The following GRM7 variants were observed in gnomAD, a reference collection of about 807,000 sequenced individuals.
GRM7 encodes the protein glutamate metabotropic receptor 7, also known as metabotropic glutamate receptor 7.
GRM7 carries 35 observed loss-of-function variants against 84.5 expected under a neutral mutation model. That is an observed-to-expected ratio of 0.41 (90% confidence interval 0.32 to 0.55). The LOEUF (loss-of-function observed/expected upper bound fraction) is 0.55. Among genes scored for constraint, GRM7 ranks in the 20% least tolerant of loss-of-function variants. The pLI is 0.19. For synonymous variants in GRM7, 487 were observed against 455.1 expected (o/e 1.07, Z -0.89); for missense variants, 1,003 against 1,194.6 (o/e 0.84, Z 2.36).
chr3:7,384,740 G>A (rs981877090), intron 4 of GRM7, among the ~76,000 whole-genome samples: 1 of 152,058 alleles, frequency 6.6e-6, no homozygotes, highest in Non-Finnish European at 1.5e-5. Flanking sequence ...CTATCAAGTC[G>A]AATACAGCAG....
chr3:6,942,518 A>G (rs1032150705), intron 1 of GRM7, among the ~76,000 whole-genome samples: 1 of 152,130 alleles, frequency 6.6e-6, no homozygotes, highest in African/African-American at 2.4e-5. Flanking sequence ...ATTACTCAGC[A>G]TAATAATTTT....
intron 6 of GRM7, among the ~76,000 whole-genome samples, chr3:7,460,913 A>C (rs138765718): frequency 6.6e-6 from 1 of 152,324 alleles, no homozygotes; most frequent in Admixed American, 6.5e-5. Flanking sequence ...CCAAAGTCTA[A>C]TTCTGCCAGA....
intron 1 of GRM7, among the ~76,000 whole-genome samples, chr3:7,026,222 G>A (rs1695977077): frequency 6.6e-6 from 1 of 152,190 alleles, no homozygotes; most frequent in Admixed American, 6.5e-5. Context: ...ACCTTAGGCA[G>A]CAGCTGAGGT....
At chr3:6,908,328 A>T (rs370157213) in intron 1 of GRM7, among the ~76,000 whole-genome samples, 29 of 152,314 alleles carry the variant, frequency 1.9e-4, no homozygotes, top group African/African-American at 6.7e-4. Context: ...TGATGAAAAG[A>T]ATACTGTGTA....
At chr3:7,489,251 AT>A (rs879259324) in intron 7 of GRM7, among the ~76,000 whole-genome samples, 3 of 152,188 alleles carry the variant, frequency 2.0e-5, no homozygotes, top group Non-Finnish European at 4.4e-5. Flanking sequence ...CATTTTAAAA[AT>A]TTTTTTATGA....
chr3:7,720,883 A>C (rs1047560280), intron 9 of GRM7, among the ~76,000 whole-genome samples: 1 of 152,200 alleles, frequency 6.6e-6, no homozygotes, highest in Non-Finnish European at 1.5e-5. Flanking sequence ...ACCATGATTC[A>C]GAAAAGGCGG....
chr3:7,465,864 A>G (rs952482741), intron 7 of GRM7, among the ~76,000 whole-genome samples: 3 of 152,018 alleles, frequency 2.0e-5, no homozygotes, highest in South Asian at 2.1e-4. Context: ...TTCCCTGTGC[A>G]ATTTCTGGAA....
chr3:6,887,390 C>T (rs1438343200), intron 1 of GRM7, among the ~76,000 whole-genome samples: 3 of 151,960 alleles, frequency 2.0e-5, no homozygotes, highest in Admixed American at 6.6e-5. Context: ...CTTCCCCCAC[C>T]CCACAACAGT....
intron 4 of GRM7, among the ~76,000 whole-genome samples, chr3:7,394,082 A>G (rs989097872): frequency 4.6e-5 from 7 of 152,160 alleles, no homozygotes; most frequent in African/African-American, 1.7e-4. Flanking sequence ...GATAAACCTC[A>G]GCTTAGAAAA....
intron 2 of GRM7, among the ~76,000 whole-genome samples, chr3:7,216,143 A>T (rs1696601931): frequency 6.6e-6 from 1 of 152,220 alleles, no homozygotes; most frequent in South Asian, 2.1e-4. Flanking sequence ...TGCCTCAGAA[A>T]GTTATCTCTG....
At chr3:6,930,837 A>G (rs1697474273) in intron 1 of GRM7, among the ~76,000 whole-genome samples, 1 of 152,154 alleles carries the variant, frequency 6.6e-6, no homozygotes, top group Non-Finnish European at 1.5e-5. Context: ...CTTTTCCTAT[A>G]TTTTTGAGAA....
intron 8 of GRM7, among the ~76,000 whole-genome samples, chr3:7,643,381 T>C (rs1698457054): frequency 6.6e-6 from 1 of 152,014 alleles, no homozygotes; most frequent in East Asian, 1.9e-4. Flanking sequence ...AGTGGGACTC[T>C]GGAAAACTGA....
intron 1 of GRM7, among the ~76,000 whole-genome samples, chr3:7,119,917 G>A (rs182258184): frequency 1.8e-3 from 268 of 152,174 alleles, no homozygotes; most frequent in Middle Eastern, 3.4e-3. Context: ...TGTTTGCGTG[G>A]TATTTGTCTT....
Position 7,146,545 on chromosome 3 carries a change from C to G in GRM7, c.613C>G (p.Gln205Glu), listed in dbSNP as rs1694116983. 1 of 1,613,994 alleles carries G rather than the reference C, an allele frequency of 6.2e-7. No individual in the cohort carries two copies. Among genetic ancestry groups the G allele is most frequent in the Non-Finnish European group, 8.5e-7 (1 of 1,179,938 alleles). Reference protein sequence around the residue: ...FSRVVPPDSFQAQAMVDIVKA... With the variant: ...FSRVVPPDSFEAQAMVDIVKA... The stretch of plus-strand genomic sequence containing the variant: ...TCGCGTGGTGCCACCCGATTCCTTC[C>G]AAGCCCAGGCCATGGTAGACATTGT... Residue 205 changes from glutamine (Q) to glutamate (E), a missense_variant, in exon 2 of 10, where the codon CAA (glutamine) becomes GAA (glutamate). Physicochemically the swap from Gln to Glu is conservative, Grantham distance 29. Around this residue, in one of 2 missense-constraint regions of GRM7, gnomAD observed 910 missense variants for 1,126.0 expected, o/e 0.81. Coordinates refer to ENST00000357716, the MANE Select transcript of GRM7 (RefSeq NM_000844.4).
chr3:7,694,442 A>G, intron 9 of GRM7: 1 of 915,434 alleles, frequency 1.1e-6, no homozygotes, highest in Non-Finnish European at 1.3e-6. Context: ...CACACATAAT[A>G]AAGTTTAAGA....
At chr3:7,650,563 G>C (rs929508810) in intron 8 of GRM7, among the ~76,000 whole-genome samples, 1 of 152,198 alleles carries the variant, frequency 6.6e-6, no homozygotes, top group Non-Finnish European at 1.5e-5. Context: ...TCTGTTAGCT[G>C]TTGAGGCTCT....
intron 7 of GRM7, among the ~76,000 whole-genome samples, chr3:7,472,700 G>C (rs1698752395): frequency 2.0e-5 from 3 of 152,086 alleles, no homozygotes; most frequent in Middle Eastern, 3.2e-3. Context: ...CCAGAAATCT[G>C]GTCAAAATCA....
At chr3:7,190,176 A>T (rs1020427325) in intron 2 of GRM7, among the ~76,000 whole-genome samples, 57 of 152,140 alleles carry the variant, frequency 3.7e-4, no homozygotes, top group African/African-American at 1.4e-3. Flanking sequence ...CATTGACACT[A>T]TCTGCAAATA....
At chr3:7,470,848 T>G (rs1428066987) in intron 7 of GRM7, among the ~76,000 whole-genome samples, 1 of 152,122 alleles carries the variant, frequency 6.6e-6, no homozygotes, top group Non-Finnish European at 1.5e-5. Context: ...TCTGCCTAAC[T>G]TTTTTGCTTT....
Sources: gnomAD v4.1 joint callset for allele counts (sites outside exome capture counted in the v4.1 genomes callset) on GRCh38, gnomAD v4.1.1 for gene constraint, gnomAD v4.1.1 regional missense constraint, MANE v1.5 for transcripts, NCBI Gene and HGNC (gene_info 2026-07-23, HGNC 2026-07-21) for gene names.